Variants in PKD1L1 observed in about 807,000 individuals in gnomAD.
PKD1L1 encodes the protein polycystin 1 like 1, transient receptor potential channel interacting.
PKD1L1 carries 236 observed loss-of-function variants against 323.4 expected under a neutral mutation model. The observed-to-expected ratio is 0.73, with a 90% CI of 0.66 to 0.81. The LOEUF (loss-of-function observed/expected upper bound fraction) is 0.81. Among genes scored for constraint, PKD1L1 ranks in the 40% least tolerant of loss-of-function variants. The pLI is 0.00. For synonymous variants in PKD1L1, 1,344 were observed against 1,335.0 expected, an observed-to-expected ratio of 1.01 and a Z score of -0.15; for missense variants, 3,320 against 3,508.0, an observed-to-expected ratio of 0.95 and a Z score of 1.35.
intron 37 of PKD1L1, among the ~76,000 whole-genome samples, chr7:47,835,494 G>A (rs575268448): frequency 9.3e-4 from 141 of 152,146 alleles, no homozygotes; most frequent in Non-Finnish European, 1.4e-3. Flanking sequence ...TCCGCCTCCC[G>A]GGTTCAAGCG....
At chr7:47,880,284 A>ATTTTTTTT (rs35198089) in intron 21 of PKD1L1, among the ~76,000 whole-genome samples, 4 of 56,782 alleles carry the variant, frequency 7.0e-5, no homozygotes, top group African/African-American at 2.1e-4. Flanking sequence ...ATATATATAT[A>ATTTTTTTT]TTTTTTTTTT....
chr7:47,829,561 G>T lies in PKD1L1; in HGVS notation c.6599C>A (p.Ala2200Asp). The T allele has an allele frequency of 6.2e-7, 1 of 1,613,138 alleles. No homozygotes were observed. Among genetic ancestry groups the T allele is most frequent in the Admixed American group, 1.7e-5 (1 of 59,758 alleles). ...MALGFAWKRR[A>D]DNHFFTESLC... ...AGACTCAGTAAAAAAGTGGTTGTCA[G>T]CTCTTCTTTTCCAAGCAAAACCCAA... Residue 2200 changes from alanine to aspartate, a missense_variant, in exon 44 of 57, where the codon GCT becomes GAT. Physicochemically the swap from Ala to Asp is moderately radical, Grantham distance 126. Transcript: ENST00000289672.
At position 47,866,518 on chromosome 7, in the gene PKD1L1, A is replaced by T. The variant is rs1419452871; in HGVS notation, c.3993T>A (p.Ser1331Arg). The change falls in exon 25 of 57, where the codon AGT (serine) becomes AGA (arginine). Residue 1331 changes from serine to arginine, a missense_variant. Transcript: ENST00000289672. ...CAGTTTTGTCCTCCTTAGACAAACG[A>T]CTCAGGATTCTGGTGATCACAGTGA... ...NYITVITRIL[S>R]RLSKEDKTAS... 2 of 1,613,898 alleles carry T rather than the reference A, an allele frequency of 1.2e-6. No individual in the cohort carries two copies. The highest frequency in any genetic ancestry group is 2.7e-5 in the African/African-American group (2 of 74,914).
intron 3 of PKD1L1, among the ~76,000 whole-genome samples, chr7:47,938,205 T>C (rs569060535): frequency 6.6e-6 from 1 of 152,312 alleles, no homozygotes; most frequent in African/African-American, 2.4e-5. Flanking sequence ...CTCCCTGTGC[T>C]GTGGGCCTTT....
chr7:47,882,177 T>C, intron 19 of PKD1L1, 92 bp from the exon 20 acceptor site: 1 of 1,289,928 alleles, frequency 7.8e-7, no homozygotes, highest in South Asian at 1.3e-5. Context: ...TTAATAACTA[T>C]TTGTACTATT....
intron 54 of PKD1L1, among the ~76,000 whole-genome samples, chr7:47,797,642 G>A (rs1184713296): frequency 2.0e-5 from 3 of 152,128 alleles, no homozygotes; most frequent in Non-Finnish European, 4.4e-5. Flanking sequence ...CTCCATTCCT[G>A]ACTCCAACCA....
At position 47,813,941 on chromosome 7, in the gene PKD1L1, T is replaced by A; in HGVS notation, c.7163A>T (p.His2388Leu). The change falls in exon 48 of 57, where the codon CAT becomes CTT. Residue 2388 changes from histidine (H) to leucine (L), a missense_variant. Coordinates refer to ENST00000289672, the MANE Select transcript of PKD1L1 (RefSeq NM_138295.5). ...AAAGGAACATCTTACCTTGCATAAATGCCTAGGAAAAACTTTTAGCTGCCT... is the reference window on the plus strand; with the variant it reads ...AAAGGAACATCTTACCTTGCATAAAAGCCTAGGAAAAACTTTTAGCTGCCT... ...VIRQLKVFPR[H>L]LCKPPRPFSA... 6.2e-7 allele frequency: 1 copy of A among 1,613,622 alleles called. No individual in the cohort carries two copies. Among genetic ancestry groups the A allele is most frequent in the Non-Finnish European group, 8.5e-7 (1 of 1,179,552 alleles).
At chr7:47,949,573 G>A (rs1788172375), upstream of PKD1L1, among the ~76,000 whole-genome samples, 1 of 152,038 alleles carries the variant, frequency 6.6e-6, no homozygotes, top group East Asian at 1.9e-4. Context: ...GTCAGACTGA[G>A]TTCTCTCCAT....
At chr7:47,905,504 C>G (rs1452122356) in intron 10 of PKD1L1, among the ~76,000 whole-genome samples, 179 bp from the exon 11 acceptor site, 1 of 152,188 alleles carries the variant, frequency 6.6e-6, no homozygotes, top group Non-Finnish European at 1.5e-5. Context: ...GCAGTGCTGG[C>G]CCTGGTTCAA....
In PKD1L1 at chr7:47,929,253, G is replaced by A; in HGVS notation, c.1011C>T (p.His337=). 6.2e-7 allele frequency: 1 copy of A among 1,614,146 alleles called. No individual in the cohort carries two copies. Among genetic ancestry groups the A allele is most frequent in the Non-Finnish European group, 8.5e-7 (1 of 1,180,032 alleles). The change falls in exon 7 of 57, where the codon CAC becomes CAT. Residue 337 remains histidine, a synonymous_variant. Coordinates refer to ENST00000289672, the MANE Select transcript of PKD1L1 (RefSeq NM_138295.5). ...TCACCGCCATTGCCTCAGACATGTT[G>A]TGTAGCCTCATTTCAACCCCAGAAC... ...GDSSGVEMRL[H]NMSEAMAVTA...
At chr7:47,919,847 G>A (rs1376770865) in intron 7 of PKD1L1, among the ~76,000 whole-genome samples, 1 of 152,084 alleles carries the variant, frequency 6.6e-6, no homozygotes, top group Non-Finnish European at 1.5e-5. Flanking sequence ...GAGCAAAACT[G>A]GCATACAAGG....
At chr7:47,877,198 GAGGCCCCTGTTCTAACC>G (rs1391909610) in intron 22 of PKD1L1, among the ~76,000 whole-genome samples, 1 of 152,094 alleles carries the variant, frequency 6.6e-6, no homozygotes, top group Non-Finnish European at 1.5e-5. Context: ...AGCATTAACG[GAGGCCCCTGTTCTAACC>G]AGGCTGCAGG....
At chr7:47,781,289 A>G (rs1786685685) in intron 56 of PKD1L1, among the ~76,000 whole-genome samples, 1 of 151,590 alleles carries the variant, frequency 6.6e-6, no homozygotes, top group Non-Finnish European at 1.5e-5. Context: ...TATATTGTAG[A>G]TACTAGTTCT....
chr7:47,861,420 T>C (rs1446487770), intron 26 of PKD1L1, among the ~76,000 whole-genome samples: 3 of 152,124 alleles, frequency 2.0e-5, no homozygotes, highest in African/African-American at 7.2e-5. Context: ...GAGAAAGTAA[T>C]ATTTTTCCAG....
In PKD1L1 at chr7:47,847,030, CAT is replaced by C; in HGVS notation, c.5000_5001del (p.Tyr1667Ter). On this transcript the variant is annotated frameshift_variant, in exon 32 of 57. Coordinates refer to ENST00000289672, the MANE Select transcript of PKD1L1 (RefSeq NM_138295.5). LOFTEE classifies it high-confidence loss of function. ...AAATATCTGTTTGGAGGTTTTCTGTCATAGTCAGCATCCAATAAGGATAAATA... is the reference window on the plus strand; with the variant it reads ...AAATATCTGTTTGGAGGTTTTCTGTCAGTCAGCATCCAATAAGGATAAATA... ...VGYLSLLDADYDRKPPNRYLA... is the reference protein window; with the variant it reads ...VGYLSLLDADXDRKPPNRYLA... 6.2e-7 allele frequency: 1 copy of C among 1,607,526 alleles called. No individual in the cohort carries two copies. The highest frequency in any genetic ancestry group is 8.5e-7 in the Non-Finnish European group (1 of 1,177,858).
At chr7:47,813,386 C>A in intron 48 of PKD1L1, 93 bp from the exon 49 acceptor site, 2 of 1,297,944 alleles carry the variant, frequency 1.5e-6, no homozygotes, top group East Asian at 2.4e-5. Flanking sequence ...ATGTGAACAC[C>A]TGCTCTGTCC....
At chr7:47,856,823 A>G (rs1004451569) in intron 28 of PKD1L1, among the ~76,000 whole-genome samples, 1 of 152,228 alleles carries the variant, frequency 6.6e-6, no homozygotes, top group African/African-American at 2.4e-5. Context: ...GACCAAAATA[A>G]GATGTACCTA....
chr7:47,876,071 T>G, intron 23 of PKD1L1, 26 bp downstream of exon 23: 1 of 1,611,984 alleles, frequency 6.2e-7, no homozygotes, highest in Non-Finnish European at 8.5e-7. Context: ...GCACAGCTAG[T>G]GACTCCAACT....
chr7:47,921,299 T>A (rs1410097907), intron 7 of PKD1L1, among the ~76,000 whole-genome samples: 4 of 133,878 alleles, frequency 3.0e-5, no homozygotes, highest in South Asian at 2.6e-4. Context: ...ATGCTCAACA[T>A]CACTAATGAT....
Sources: allele counts gnomAD v4.1 joint callset (sites outside exome capture counted in the v4.1 genomes callset), GRCh38; gene constraint gnomAD v4.1.1; transcripts MANE v1.5; gene names NCBI Gene and HGNC (gene_info 2026-07-23, HGNC 2026-07-21).